The following WAC variants were observed in gnomAD, a reference collection of about 807,000 sequenced individuals.
WAC encodes WW domain containing adaptor with coiled-coil, also known as WW domain-containing adapter protein with coiled-coil.
Under a neutral mutation model 79.6 loss-of-function variants are expected in WAC, and 11 were observed. The ratio of observed to expected loss-of-function variants is 0.14; its 90% CI spans 0.09 to 0.23. The LOEUF (loss-of-function observed/expected upper bound fraction) is 0.23, where lower values mean the gene tolerates loss of function less well. WAC is among the 10% of genes least tolerant of loss of function. The probability of loss-of-function intolerance (pLI) is 1.00; values close to 1 mark genes in which losing one functional copy is unlikely to be tolerated. For missense variants in WAC, 728 were observed against 773.5 expected (o/e 0.94, Z 0.70); for synonymous variants, 304 against 276.9 (o/e 1.10, Z -0.97).
intron 3 of WAC, among the ~76,000 whole-genome samples, chr10:28,577,870 G>T (rs1001352883): frequency 6.6e-6 from 1 of 152,122 alleles, no homozygotes; most frequent in Non-Finnish European, 1.5e-5. Context: ...TAAAAATTCA[G>T]GTATTAAGCC....
rs566799237 is a variant in WAC, at chr10:28,620,931, C to T, written c.*1325C>T. On this transcript the variant is annotated 3_prime_UTR_variant, in exon 14 of 14. Coordinates refer to ENST00000354911, the MANE Select transcript of WAC (RefSeq NM_016628.5). Reference sequence around the variant, plus strand: ...CTGTTATCTGGAAATAGCAGGAAAGCGCAGCTTTGTATATTGTTTCCTAAA... The same window carrying T: ...CTGTTATCTGGAAATAGCAGGAAAGTGCAGCTTTGTATATTGTTTCCTAAA... 4 of 152,124 alleles carry T rather than the reference C, an allele frequency of 2.6e-5. No individual in the cohort carries two copies. Among genetic ancestry groups the T allele is most frequent in the East Asian group, 1.9e-4 (1 of 5,190 alleles). 9.4% of individuals were successfully genotyped at this position (152,124 alleles called of 1,614,324 possible). A position where few individuals can be genotyped will look rare whatever the true frequency, so the allele number is the denominator to read the frequency against.
At chr10:28,604,253 A>G (rs79436990) in intron 7 of WAC, among the ~76,000 whole-genome samples, 3 of 124,522 alleles carry the variant, frequency 2.4e-5, no homozygotes, top group African/African-American at 9.0e-5. Flanking sequence ...TTTTTTTTTT[A>G]TTGTTTAGCA....
chr10:28,555,790 A>G (rs139286606), intron 3 of WAC, among the ~76,000 whole-genome samples: 71 of 152,246 alleles, frequency 4.7e-4, no homozygotes, highest in Non-Finnish European at 4.9e-4. Flanking sequence ...GTGGCTTTGT[A>G]AGAAGAGGAA....
intron 10 of WAC, 63 bp downstream of exon 10, chr10:28,611,985 T>C (rs558183790): frequency 3.3e-5 from 52 of 1,571,406 alleles, no homozygotes; most frequent in Non-Finnish European, 4.2e-5. Context: ...TCAATAACAT[T>C]TTAGAATCTG....
At chr10:28,536,322 C>A (rs1335958700) in intron 3 of WAC, among the ~76,000 whole-genome samples, 3 of 150,618 alleles carry the variant, frequency 2.0e-5, no homozygotes, top group Non-Finnish European at 4.4e-5. Context: ...AACATGCTTT[C>A]TTAAGGATGG....
rs547521005 is a variant in WAC, at chr10:28,595,843, A to G, written c.721A>G (p.Ser241Gly). Residue 241 changes from serine (S) to glycine (G), a missense_variant, in exon 7 of 14, where the codon AGT becomes GGT. Around this residue, in one of 3 missense-constraint regions of WAC, gnomAD observed 648 missense variants for 661.5 expected, o/e 0.98. Transcript: ENST00000354911. ...CAGACTGCCAAGAGCAGAGACTCAC[A>G]GTAGTTCTACGCCAGTACAGCACCC... ...DYRLPRAETHSSSTPVQHPIK... is the reference protein window; with the variant it reads ...DYRLPRAETHGSSTPVQHPIK... 9.9e-6 allele frequency: 16 copies of G among 1,614,190 alleles called. No homozygotes were observed. In the South Asian group the frequency reaches 1.3e-4, roughly 13 times the overall value.
At chr10:28,579,917 C>T (rs2132606740) in intron 3 of WAC, among the ~76,000 whole-genome samples, 1 of 152,282 alleles carries the variant, frequency 6.6e-6, no homozygotes, top group Admixed American at 6.5e-5. Context: ...TAAAGATGTA[C>T]TGCCTGCCAT....
chr10:28,561,462 G>A (rs1025668030), intron 3 of WAC, among the ~76,000 whole-genome samples: 40 of 151,374 alleles, frequency 2.6e-4, no homozygotes, highest in African/African-American at 9.4e-4. Flanking sequence ...CCTTTGACAA[G>A]AATTTAATCC....
chr10:28,549,392 T>C (rs1837541393), intron 3 of WAC, among the ~76,000 whole-genome samples: 2 of 152,184 alleles, frequency 1.3e-5, no homozygotes. Flanking sequence ...GGCCTACATA[T>C]CTCTTTGCTT....
chr10:28,579,960 A>G (rs1319781951), intron 3 of WAC, among the ~76,000 whole-genome samples: 2 of 148,818 alleles, frequency 1.3e-5, no homozygotes, highest in Admixed American at 7.0e-5. Flanking sequence ...TGAATTTGAA[A>G]TCTGTTTAAG....
At chr10:28,593,728 CTCA>C (rs1158431255) in intron 6 of WAC, among the ~76,000 whole-genome samples, 2 of 86,780 alleles carry the variant, frequency 2.3e-5, no homozygotes, top group African/African-American at 6.4e-5. Flanking sequence ...GTGAGACTCT[CTCA>C]AAAAAAAAAA....
intron 7 of WAC, among the ~76,000 whole-genome samples, chr10:28,605,127 G>A (rs1840876431): frequency 6.6e-6 from 1 of 152,144 alleles, no homozygotes; most frequent in South Asian, 2.1e-4. Flanking sequence ...GACCTGCATG[G>A]ATAAAAGATT....
chr10:28,536,139 C>T (rs998630111), intron 3 of WAC, among the ~76,000 whole-genome samples: 8 of 151,498 alleles, frequency 5.3e-5, no homozygotes, highest in African/African-American at 1.7e-4. Flanking sequence ...GCCAGCTCTT[C>T]AGGAAGCTAA....
chr10:28,599,087 AT>A (rs34344340), intron 7 of WAC, among the ~76,000 whole-genome samples: 34,207 of 151,900 alleles, frequency 0.23, 4,687 homozygotes, highest in Non-Finnish European at 0.28. Flanking sequence ...CATTTGACAT[AT>A]TTTTTTTCTC....
chr10:28,614,204 C>T (rs1381443149), intron 10 of WAC, among the ~76,000 whole-genome samples: 1 of 151,832 alleles, frequency 6.6e-6, no homozygotes, highest in East Asian at 1.9e-4. Context: ...CTTCCGGGTT[C>T]ACGCCATTCT....
intron 1 of WAC, 61 bp downstream of exon 1, chr10:28,533,681 C>A: frequency 1.3e-6 from 2 of 1,496,870 alleles, no homozygotes; most frequent in Non-Finnish European, 1.8e-6. Flanking sequence ...GGGGGCTGTT[C>A]CTCCTTATCT....
At chr10:28,614,779 CTTT>C in intron 11 of WAC, 94 bp downstream of exon 11, 1 of 1,057,756 alleles carries the variant, frequency 9.5e-7, no homozygotes, top group Non-Finnish European at 1.4e-6. Context: ...AGAACTTAAC[CTTT>C]AAACTCCATG....
At chr10:28,597,419 A>G (rs1011203020) in intron 7 of WAC, among the ~76,000 whole-genome samples, 1 of 152,200 alleles carries the variant, frequency 6.6e-6, no homozygotes, top group African/African-American at 2.4e-5. Context: ...ACCCTTTGAA[A>G]GTATTTATCC....
chr10:28,541,415 G>GTGTTTTTTTTTTT (rs1212601285), intron 3 of WAC, among the ~76,000 whole-genome samples: 2 of 37,904 alleles, frequency 5.3e-5, no homozygotes, highest in Non-Finnish European at 8.5e-5. Flanking sequence ...GTGTGTGTGT[G>GTGTTTTTTTTTTT]TTTTGTTTTT....
Sources: allele counts gnomAD v4.1 joint callset (sites outside exome capture counted in the v4.1 genomes callset), GRCh38; gene constraint gnomAD v4.1.1; regional missense constraint gnomAD v4.1.1; transcripts MANE v1.5; gene names NCBI Gene and HGNC (gene_info 2026-07-23, HGNC 2026-07-21).